The following SORBS2 variants were observed in gnomAD, a reference collection of about 807,000 sequenced individuals.
SORBS2 encodes the protein sorbin and SH3 domain containing 2.
SORBS2 carries 46 observed loss-of-function variants against 97.7 expected under a neutral mutation model. That is an observed-to-expected ratio of 0.47 (90% confidence interval 0.37 to 0.60). The LOEUF (loss-of-function observed/expected upper bound fraction) is 0.60. Ranked by LOEUF, SORBS2 falls within the 20% of genes least tolerant of loss-of-function variation. The probability of loss-of-function intolerance (pLI) is 0.00; values close to 1 mark genes in which losing one functional copy is unlikely to be tolerated. For missense variants in SORBS2, 1,316 were observed against 1,282.3 expected, an observed-to-expected ratio of 1.03 and a Z score of -0.40; for synonymous variants, 476 against 473.4, an observed-to-expected ratio of 1.01 and a Z score of -0.07.
In SORBS2 at chr4:185,624,295, G is replaced by A. The variant is rs532554332; in HGVS notation, c.834C>T (p.Thr278=). The change falls in exon 7 of 15, where the codon ACC becomes ACT. Residue 278 remains threonine (T), a synonymous_variant. Transcript: ENST00000418609. The stretch of plus-strand genomic sequence containing the variant: ...TCCGGGATTTGATTTTGGGAGAGAC[G>A]GTTTCTTCCGTGCTGCTCCAGATTT... The A allele has an allele frequency of 4.3e-6, 7 of 1,614,124 alleles. No individual in the cohort carries two copies. In the African/African-American group the frequency reaches 6.7e-5, roughly 15 times the overall value.
At chr4:185,664,792 T>C (rs945988511) in intron 4 of SORBS2, among the ~76,000 whole-genome samples, 2 of 152,186 alleles carry the variant, frequency 1.3e-5, no homozygotes, top group African/African-American at 2.4e-5. Context: ...ATCAGCTTGA[T>C]AGAACATAAA....
At chr4:185,726,150 T>C (rs1226701737) in intron 2 of SORBS2, among the ~76,000 whole-genome samples, 4 of 152,214 alleles carry the variant, frequency 2.6e-5, no homozygotes, top group African/African-American at 9.7e-5. Flanking sequence ...TGATTCATCT[T>C]TTGTGAGATG....
chr4:185,659,801 C>T (rs13116927), upstream of SORBS2, among the ~76,000 whole-genome samples: 44,512 of 152,054 alleles, frequency 0.29, 8,159 homozygotes, highest in Non-Finnish European at 0.41. Flanking sequence ...CTTGAGTGGG[C>T]CTCCATGATA....
At chr4:185,943,009 T>C (rs1386238972) in intron 1 of SORBS2, among the ~76,000 whole-genome samples, 1 of 152,244 alleles carries the variant, frequency 6.6e-6, no homozygotes, top group Admixed American at 6.5e-5. Flanking sequence ...ATTCCACAGA[T>C]AATCTGTTTG....
At chr4:185,697,016 A>G (rs1047825358) in intron 2 of SORBS2, among the ~76,000 whole-genome samples, 1 of 152,224 alleles carries the variant, frequency 6.6e-6, no homozygotes, top group Non-Finnish European at 1.5e-5. Context: ...TATCCCTATA[A>G]CACATGTATA....
chr4:185,929,141 A>C (rs2149957270), intron 1 of SORBS2, among the ~76,000 whole-genome samples: 1 of 152,312 alleles, frequency 6.6e-6, no homozygotes, highest in East Asian at 1.9e-4. Flanking sequence ...AGTGGTTTTA[A>C]AACTTTAGTT....
intron 5 of SORBS2, among the ~76,000 whole-genome samples, chr4:185,630,020 T>C (rs945420843): frequency 6.6e-6 from 1 of 152,176 alleles, no homozygotes; most frequent in Non-Finnish European, 1.5e-5. Flanking sequence ...GGTAAGTTAC[T>C]AAGCCTAGGT....
rs190253730 is a variant in SORBS2, at chr4:185,728,836, G to T, written c.-198+46391C>A. Among the ~76,000 whole-genome samples, 15 of 152,356 alleles carry T rather than the reference G, an allele frequency of 9.8e-5. No individual in the cohort carries two copies. In the East Asian group the frequency reaches 2.9e-3, roughly 29 times the overall value. On this transcript the variant is annotated intron_variant, in intron 2 of 20. Coordinates refer to the SORBS2 transcript ENST00000284776. ...CAAACCCCAGCTGCATGTGCCATTT[G>T]CTCCCTGAGGGGCAGAGATGATGGC... is the stretch of plus-strand genomic sequence containing the variant.
intron 2 of SORBS2, among the ~76,000 whole-genome samples, chr4:185,713,544 C>T (rs1187470094): frequency 6.6e-6 from 1 of 152,132 alleles, no homozygotes; most frequent in East Asian, 1.9e-4. Context: ...GTACTGGCAT[C>T]GTGTGGCTCT....
At chr4:185,745,269 T>C (rs2098752936) in intron 2 of SORBS2, among the ~76,000 whole-genome samples, 1 of 152,136 alleles carries the variant, frequency 6.6e-6, no homozygotes, top group South Asian at 2.1e-4. Context: ...TGCATGCCGG[T>C]GGTAGGGGAG....
intron 4 of SORBS2, chr4:185,665,683 A>G: frequency 4.6e-6 from 4 of 876,940 alleles, no homozygotes; most frequent in Non-Finnish European, 5.5e-6. Context: ...GGCACAACAA[A>G]TCAGTCCTTT....
At chr4:185,899,189 G>A (rs149730747) in intron 1 of SORBS2, among the ~76,000 whole-genome samples, 2 of 152,230 alleles carry the variant, frequency 1.3e-5, no homozygotes, top group African/African-American at 2.4e-5. Context: ...GGCAATGGCT[G>A]GAGGTAAGAA....
rs764912020 is a variant in SORBS2, at chr4:185,611,827, G to T, written c.2749C>A (p.Pro917Thr). The change falls in exon 12 of 15, where the codon CCC becomes ACC. Residue 917 changes from proline (P) to threonine (T), a missense_variant. Coordinates refer to ENST00000418609, the Ensembl canonical transcript of SORBS2. ...ATCCTATCACTAGAATAGCTGTGGG[G>T]TATTGGAGGGTCAGGGTAGTCCTCA... 3 of 1,614,054 alleles carry T rather than the reference G, an allele frequency of 1.9e-6. No homozygotes were observed. Among genetic ancestry groups the T allele is most frequent in the Admixed American group, 3.3e-5 (2 of 60,022 alleles).
intron 1 of SORBS2, among the ~76,000 whole-genome samples, chr4:185,857,745 G>C (rs545430638): frequency 6.6e-6 from 1 of 152,162 alleles, no homozygotes; most frequent in African/African-American, 2.4e-5. Context: ...TGTCTTATAC[G>C]GTTGAGATAA....
intron 11 of SORBS2, among the ~76,000 whole-genome samples, chr4:185,613,361 A>G (rs1176741682): frequency 6.6e-6 from 1 of 152,102 alleles, no homozygotes; most frequent in African/African-American, 2.4e-5. Flanking sequence ...AAGAAAAGTC[A>G]GTCTCAGGCT....
intron 1 of SORBS2, among the ~76,000 whole-genome samples, chr4:185,785,952 C>T (rs2099054471): frequency 6.6e-6 from 1 of 152,148 alleles, no homozygotes; most frequent in Non-Finnish European, 1.5e-5. Flanking sequence ...GAAAACCACA[C>T]CTGGCACACT....
chr4:185,915,762 T>C (rs935110311), intron 1 of SORBS2, among the ~76,000 whole-genome samples: 1 of 152,056 alleles, frequency 6.6e-6, no homozygotes, highest in Non-Finnish European at 1.5e-5. Flanking sequence ...CTCTACTGAA[T>C]GTATGATTGC....
At chr4:185,731,730 G>T (rs1480427322) in intron 2 of SORBS2, among the ~76,000 whole-genome samples, 1 of 19,994 alleles carries the variant, frequency 5.0e-5, no homozygotes, top group Non-Finnish European at 9.0e-5. Flanking sequence ...CTCCCTGCCT[G>T]TCTCTCTCCC....
At chr4:185,742,940 T>C (rs2098736381) in intron 2 of SORBS2, among the ~76,000 whole-genome samples, 1 of 152,092 alleles carries the variant, frequency 6.6e-6, no homozygotes, top group African/African-American at 2.4e-5. Flanking sequence ...GCAGCATGAG[T>C]CAGCACCATC....
Sources: gnomAD v4.1 joint callset for allele counts (sites outside exome capture counted in the v4.1 genomes callset) on GRCh38, gnomAD v4.1.1 for gene constraint, MANE v1.5 for transcripts, NCBI Gene and HGNC (gene_info 2026-07-23, HGNC 2026-07-21) for gene names.